Variants in NR6A1 observed in about 807,000 individuals in gnomAD.
NR6A1 encodes nuclear receptor subfamily 6 group A member 1.
NR6A1 carries 7 observed loss-of-function variants against 59.1 expected under a neutral mutation model. The observed-to-expected ratio is 0.12, with a 90% confidence interval of 0.07 to 0.22. The LOEUF (loss-of-function observed/expected upper bound fraction) is 0.22, where lower values mean the gene tolerates loss of function less well. Ranked by LOEUF, NR6A1 falls within the 10% of genes least tolerant of loss-of-function variation. The pLI is 1.00. For missense variants in NR6A1, 468 were observed against 611.6 expected, an observed-to-expected ratio of 0.77 and a Z score of 2.48; for synonymous variants, 243 against 236.1, an observed-to-expected ratio of 1.03 and a Z score of -0.27.
At chr9:124,627,560 A>G (rs1445031859) in intron 2 of NR6A1, among the ~76,000 whole-genome samples, 2 of 152,182 alleles carry the variant, frequency 1.3e-5, no homozygotes, top group African/African-American at 2.4e-5. Context: ...TTAGCAAATG[A>G]GAGTGAGAAT....
chr9:124,699,538 C>A (rs531811990), intron 2 of NR6A1, among the ~76,000 whole-genome samples: 3 of 152,256 alleles, frequency 2.0e-5, no homozygotes, highest in African/African-American at 7.2e-5. Context: ...ATCAGTGGGG[C>A]CCCATCTGAT....
intron 2 of NR6A1, among the ~76,000 whole-genome samples, chr9:124,617,422 AAC>A (rs1835930145): frequency 2.6e-5 from 4 of 152,224 alleles, no homozygotes; most frequent in Admixed American, 2.0e-4. Context: ...ACTGAATGGA[AAC>A]ACAATTAGCT....
chr9:124,723,817 G>A (rs985386550), intron 2 of NR6A1, among the ~76,000 whole-genome samples: 10 of 152,134 alleles, frequency 6.6e-5, no homozygotes, highest in African/African-American at 2.2e-4. Flanking sequence ...GAAAAGGAAG[G>A]CAGAGAGTTT....
chr9:124,697,950 GAC>G (rs1588800025), intron 2 of NR6A1, among the ~76,000 whole-genome samples: 1 of 152,160 alleles, frequency 6.6e-6, no homozygotes, highest in East Asian at 1.9e-4. Flanking sequence ...CACAAGATCT[GAC>G]ACACAAAATA....
intron 2 of NR6A1, among the ~76,000 whole-genome samples, chr9:124,566,508 A>G (rs904445406): frequency 1.3e-5 from 2 of 152,238 alleles, no homozygotes; most frequent in African/African-American, 4.8e-5. Flanking sequence ...AATTGCATAG[A>G]ATATTGATGT....
At chr9:124,538,410 T>C in intron 5 of NR6A1, 91 bp from the exon 6 acceptor site, 1 of 935,264 alleles carries the variant, frequency 1.1e-6, no homozygotes, top group Non-Finnish European at 1.7e-6. Flanking sequence ...TAGGTATTCT[T>C]TGAACATGAG....
intron 3 of NR6A1, among the ~76,000 whole-genome samples, chr9:124,550,285 TTC>T (rs1271090024): frequency 6.6e-6 from 1 of 152,208 alleles, no homozygotes; most frequent in Non-Finnish European, 1.5e-5. Context: ...TATGCAAATA[TTC>T]TGTTTCTGTT....
intron 2 of NR6A1, among the ~76,000 whole-genome samples, chr9:124,667,979 C>G (rs945332486): frequency 7.9e-5 from 12 of 152,130 alleles, no homozygotes; most frequent in African/African-American, 2.9e-4. Flanking sequence ...TTAAAATACA[C>G]TTGATCCTTA....
intron 2 of NR6A1, among the ~76,000 whole-genome samples, chr9:124,722,609 T>C (rs1410995832): frequency 6.6e-6 from 1 of 152,186 alleles, no homozygotes; most frequent in Non-Finnish European, 1.5e-5. Flanking sequence ...TTTCTTTTTA[T>C]CTTGCCTATT....
chr9:124,731,231 A>G (rs1250104384), intron 2 of NR6A1, among the ~76,000 whole-genome samples: 1 of 152,054 alleles, frequency 6.6e-6, no homozygotes, highest in Non-Finnish European at 1.5e-5. Flanking sequence ...TTAGCCAGCC[A>G]TGGTTGCGCA....
chr9:124,621,061 T>C (rs756143219), intron 2 of NR6A1, among the ~76,000 whole-genome samples: 1 of 152,150 alleles, frequency 6.6e-6, no homozygotes, highest in African/African-American at 2.4e-5. Flanking sequence ...ACTAACTCAA[T>C]AGATACAGTG....
At chr9:124,642,148 A>C (rs1042250581) in intron 2 of NR6A1, among the ~76,000 whole-genome samples, 2 of 152,040 alleles carry the variant, frequency 1.3e-5, no homozygotes, top group Non-Finnish European at 2.9e-5. Context: ...TCCTGGGTTC[A>C]AGCCAATTCT....
chr9:124,535,095 G>C (rs1224503220), intron 7 of NR6A1, among the ~76,000 whole-genome samples: 2 of 152,014 alleles, frequency 1.3e-5, no homozygotes, highest in African/African-American at 4.8e-5. Context: ...CTGCACTCCA[G>C]CCTGGGTGAC....
At chr9:124,541,575 G>A (rs944603097) in intron 4 of NR6A1, among the ~76,000 whole-genome samples, 14 of 152,224 alleles carry the variant, frequency 9.2e-5, no homozygotes, top group Admixed American at 7.9e-4. Flanking sequence ...CTTGTGCACT[G>A]TTAGTGGGAA....
chr9:124,540,494 G>T (rs1208944182), intron 4 of NR6A1, among the ~76,000 whole-genome samples: 1 of 152,054 alleles, frequency 6.6e-6, no homozygotes, highest in African/African-American at 2.4e-5. Context: ...ACTCCTCAAT[G>T]ACAATCTCCT....
intron 2 of NR6A1, among the ~76,000 whole-genome samples, chr9:124,676,726 C>T (rs1837973247): frequency 6.6e-6 from 1 of 152,154 alleles, no homozygotes; most frequent in Non-Finnish European, 1.5e-5. Context: ...TATATTCTGA[C>T]ATTGGAAGTT....
chr9:124,700,916 G>A (rs1838927449), intron 2 of NR6A1, among the ~76,000 whole-genome samples: 1 of 151,676 alleles, frequency 6.6e-6, no homozygotes, highest in Non-Finnish European at 1.5e-5. Context: ...ACATGCCAAC[G>A]CACCCAGCTA....
intron 2 of NR6A1, among the ~76,000 whole-genome samples, chr9:124,569,731 T>C (rs1358350821): frequency 2.0e-5 from 3 of 152,208 alleles, no homozygotes; most frequent in African/African-American, 7.2e-5. Context: ...ACCCTCAAAA[T>C]TTCATTTGCA....
At chr9:124,570,856 A>G (rs1350284949) in intron 2 of NR6A1, among the ~76,000 whole-genome samples, 3 of 152,326 alleles carry the variant, frequency 2.0e-5, no homozygotes, top group African/African-American at 7.2e-5. Flanking sequence ...GTATCTAAAC[A>G]AATAAGTATT....
Sources: gnomAD v4.1 joint callset for allele counts (sites outside exome capture counted in the v4.1 genomes callset) on GRCh38, gnomAD v4.1.1 for gene constraint, MANE v1.5 for transcripts, NCBI Gene and HGNC (gene_info 2026-07-23, HGNC 2026-07-21) for gene names.